Variants in ICOS observed in about 807,000 individuals in gnomAD.
ICOS encodes the protein inducible T-cell costimulator.
ICOS carries 15 observed loss-of-function variants against 24.6 expected under a neutral mutation model. The ratio of observed to expected loss-of-function variants is 0.61; its 90% CI spans 0.41 to 0.94. The LOEUF is 0.94. Ranked by LOEUF, ICOS falls within the 40% of genes least tolerant of loss-of-function variation. The pLI, the probability that ICOS is intolerant of heterozygous loss-of-function variation, is 0.00. For missense variants in ICOS, 200 were observed against 233.0 expected, an observed-to-expected ratio of 0.86 and a Z score of 0.92; for synonymous variants, 89 against 77.5, an observed-to-expected ratio of 1.15 and a Z score of -0.78.
chr2:203,955,318 T>C (rs1230406346), intron 1 of ICOS, among the ~76,000 whole-genome samples: 2 of 152,108 alleles, frequency 1.3e-5, no homozygotes, highest in Non-Finnish European at 2.9e-5. Flanking sequence ...ACCATCTGCC[T>C]CCAATATGAA....
intron 1 of ICOS, among the ~76,000 whole-genome samples, chr2:203,938,095 G>C (rs1472144379): frequency 6.6e-6 from 1 of 152,202 alleles, no homozygotes; most frequent in African/African-American, 2.4e-5. Flanking sequence ...TCTTTGGAAG[G>C]TAACTGCATG....
Position 203,957,792 on chromosome 2 carries a change from C to G in ICOS, c.502-7C>G, listed in dbSNP as rs1377228181. 1 of 1,607,274 alleles carries G rather than the reference C, an allele frequency of 6.2e-7. No homozygotes were observed. Among genetic ancestry groups the G allele is most frequent in the Admixed American group, 1.7e-5 (1 of 59,972 alleles). On this transcript the variant is annotated splice_region_variant and splice_polypyrimidine_tract_variant and intron_variant, in intron 3 of 4. Transcript: ENST00000316386. ...TGACCAAGCATGTTTCTGGCTTTTT[C>G]TTTCAGAAGTATTCATCCAGTGTGC...
intron 1 of ICOS, among the ~76,000 whole-genome samples, chr2:203,940,085 T>C (rs1014074602): frequency 7.9e-5 from 12 of 152,228 alleles, no homozygotes; most frequent in Non-Finnish European, 1.5e-4. Context: ...TACTAAGTAA[T>C]TGACATGTTC....
At chr2:203,954,149 A>G (rs935710755) in intron 1 of ICOS, among the ~76,000 whole-genome samples, 4 of 152,248 alleles carry the variant, frequency 2.6e-5, no homozygotes, top group Non-Finnish European at 4.4e-5. Context: ...AAGAGAAGGC[A>G]ATGAGCAGTT....
rs1355757302 is a variant in ICOS, at chr2:203,955,914, A to G, written c.337A>G (p.Ile113Val). Residue 113 changes from isoleucine (I) to valine (V), a missense_variant, in exon 2 of 5, where the codon ATT (isoleucine) becomes GTT (valine). Physicochemically the swap from Ile to Val is conservative, Grantham distance 29. Transcript: ENST00000316386. ...CAACTATTACTTCTGCAACCTATCAATTTTTGATCCTCCTCCTTTTAAAGT... is the reference window on the plus strand; with the variant it reads ...CAACTATTACTTCTGCAACCTATCAGTTTTTGATCCTCCTCCTTTTAAAGT... ...HANYYFCNLSIFDPPPFKVTL... is the reference protein window; with the variant it reads ...HANYYFCNLSVFDPPPFKVTL... The G allele has an allele frequency of 1.2e-6, 2 of 1,613,088 alleles. No homozygotes were observed. The highest frequency in any genetic ancestry group is 3.3e-5 in the Admixed American group (2 of 59,960).
Position 203,961,419 on chromosome 2 carries a change from G to A in ICOS, c.*1820G>A, listed in dbSNP as rs934506930. 4.8e-5 allele frequency: 8 copies of A among 166,896 alleles called. No homozygotes were observed. Among genetic ancestry groups the A allele is most frequent in the African/African-American group, 7.2e-5 (3 of 41,594 alleles). 10.3% of individuals were successfully genotyped at this position (166,896 alleles called of 1,614,324 possible). On this transcript the variant is annotated 3_prime_UTR_variant, in exon 5 of 5. Coordinates refer to ENST00000316386, the MANE Select transcript of ICOS (RefSeq NM_012092.4). ...GGCCTGGTTGTCCAAGCTGTGCCTC[G>A]ACACATCCTCATCCCCAGCATGGGA...
chr2:203,957,591 G>A (rs1690099496), intron 3 of ICOS, among the ~76,000 whole-genome samples: 1 of 152,108 alleles, frequency 6.6e-6, no homozygotes, highest in South Asian at 2.1e-4. Context: ...AACAATAAAG[G>A]CAAAAACGAG....
chr2:203,950,689 T>G (rs1689953653), intron 1 of ICOS, among the ~76,000 whole-genome samples: 1 of 152,210 alleles, frequency 6.6e-6, no homozygotes. Flanking sequence ...GAAACCTAAG[T>G]CAGCCTTCTG....
chr2:203,954,586 C>T (rs1310150232), intron 1 of ICOS, among the ~76,000 whole-genome samples: 1 of 149,766 alleles, frequency 6.7e-6, no homozygotes, highest in African/African-American at 2.5e-5. Context: ...AAACCCTTTT[C>T]TCTGAAAAGA....
chr2:203,948,039 C>G (rs764739497), intron 1 of ICOS, among the ~76,000 whole-genome samples: 3 of 152,164 alleles, frequency 2.0e-5, no homozygotes, highest in Admixed American at 2.0e-4. Context: ...TTGTTGCTCA[C>G]TTGGATGGAA....
At chr2:203,954,802 T>A (rs1370696181) in intron 1 of ICOS, among the ~76,000 whole-genome samples, 1 of 150,936 alleles carries the variant, frequency 6.6e-6, no homozygotes, top group Non-Finnish European at 1.5e-5. Context: ...TACAATTATT[T>A]GTATATATAC....
At chr2:203,942,483 A>T (rs1456544552) in intron 1 of ICOS, among the ~76,000 whole-genome samples, 1 of 152,244 alleles carries the variant, frequency 6.6e-6, no homozygotes, top group Non-Finnish European at 1.5e-5. Context: ...TTAATACATG[A>T]TGGCTGATGA....
Position 203,959,925 on chromosome 2 carries a change from A to T in ICOS, c.*326A>T. On this transcript the variant is annotated 3_prime_UTR_variant, in exon 5 of 5. Coordinates refer to ENST00000316386, the MANE Select transcript of ICOS (RefSeq NM_012092.4). ...ATCAGCCAGTAAAACAAACACATTT[A>T]CAAGAAAAATGTTTTAAAGATGCCA... The T allele has an allele frequency of 2.2e-6, 1 of 446,188 alleles. No individual in the cohort carries two copies. Among genetic ancestry groups the T allele is most frequent in the Non-Finnish European group, 4.2e-6 (1 of 240,790 alleles). 27.6% of individuals were successfully genotyped at this position (446,188 alleles called of 1,614,324 possible).
In ICOS at chr2:203,955,817, G is replaced by A; in HGVS notation, c.240G>A (p.Leu80=). 6.2e-7 allele frequency: 1 copy of A among 1,613,818 alleles called. No individual in the cohort carries two copies. The highest frequency in any genetic ancestry group is 8.5e-7 in the Non-Finnish European group (1 of 1,179,832). Residue 80 remains leucine, a synonymous_variant, in exon 2 of 5, where the codon CTG becomes CTA. Coordinates refer to ENST00000316386, the MANE Select transcript of ICOS (RefSeq NM_012092.4). ...GAAACACAGTGTCCATTAAGAGTCT[G>A]AAATTCTGCCATTCTCAGTTATCCA... is the stretch of plus-strand genomic sequence containing the variant. ...GSGNTVSIKS[L]KFCHSQLSNN... is the part of the protein sequence containing the mutation.
chr2:203,938,035 G>A (rs1245621351), intron 1 of ICOS, among the ~76,000 whole-genome samples: 1 of 152,242 alleles, frequency 6.6e-6, no homozygotes, highest in East Asian at 1.9e-4. Context: ...AGCAGGTACT[G>A]TGCCAGATGG....
chr2:203,950,203 C>T (rs996629199), intron 1 of ICOS, among the ~76,000 whole-genome samples: 2 of 152,082 alleles, frequency 1.3e-5, no homozygotes, highest in Admixed American at 1.3e-4. Flanking sequence ...GGTCTAGGGG[C>T]CTAGGTCTAG....
At chr2:203,947,569 A>C (rs1689895910) in intron 1 of ICOS, among the ~76,000 whole-genome samples, 1 of 152,268 alleles carries the variant, frequency 6.6e-6, no homozygotes, top group Non-Finnish European at 1.5e-5. Context: ...GGCCTCCCAA[A>C]GTGCTGGGAT....
At chr2:203,949,146 A>G (rs555939996) in intron 1 of ICOS, among the ~76,000 whole-genome samples, 1 of 152,310 alleles carries the variant, frequency 6.6e-6, no homozygotes, top group South Asian at 2.1e-4. Flanking sequence ...TCCCAGAGAG[A>G]GATGACAATG....
chr2:203,941,123 T>C (rs566174599), intron 1 of ICOS, among the ~76,000 whole-genome samples: 1 of 152,312 alleles, frequency 6.6e-6, no homozygotes, highest in African/African-American at 2.4e-5. Flanking sequence ...TTATTTTTTT[T>C]AAGACTGGGT....
Sources: allele counts gnomAD v4.1 joint callset (sites outside exome capture counted in the v4.1 genomes callset), GRCh38; gene constraint gnomAD v4.1.1; transcripts MANE v1.5; gene names NCBI Gene and HGNC (gene_info 2026-07-23, HGNC 2026-07-21).